Variants in PSD3 observed in about 807,000 individuals in gnomAD.
The protein encoded by PSD3 is pleckstrin and Sec7 domain containing 3.
PSD3 carries 49 observed loss-of-function variants against 105.5 expected under a neutral mutation model. The ratio of observed to expected loss-of-function variants is 0.46; its 90% confidence interval spans 0.37 to 0.59. The LOEUF (loss-of-function observed/expected upper bound fraction) is 0.59. Ranked by LOEUF, PSD3 falls within the 20% of genes least tolerant of loss-of-function variation. The pLI is 0.00. For synonymous variants in PSD3, 557 were observed against 457.8 expected, an observed-to-expected ratio of 1.22 and a Z score of -2.77; for missense variants, 1,561 against 1,263.8, an observed-to-expected ratio of 1.24 and a Z score of -3.57.
At chr8:18,892,157 G>T (rs1029214334) in intron 2 of PSD3, among the ~76,000 whole-genome samples, 1 of 132,718 alleles carries the variant, frequency 7.5e-6, no homozygotes, top group African/African-American at 3.1e-5. Flanking sequence ...CCTATTGTTT[G>T]CTGTCACTTA....
chr8:19,060,390 G>C (rs1167472487), intron 1 of PSD3, among the ~76,000 whole-genome samples: 1 of 152,114 alleles, frequency 6.6e-6, no homozygotes, highest in Non-Finnish European at 1.5e-5. Context: ...TGTAACCACA[G>C]AGGTCTATAG....
intron 11 of PSD3, among the ~76,000 whole-genome samples, chr8:18,625,187 TACACACAC>T (rs3042894): frequency 0.11 from 17,107 of 149,304 alleles, 1,055 homozygotes; most frequent in South Asian, 0.24. Context: ...AGGTGGGGAA[TACACACAC>T]ACACACACAC....
intron 2 of PSD3, among the ~76,000 whole-genome samples, chr8:18,916,326 A>G (rs914424375): frequency 3.1e-5 from 2 of 63,798 alleles, no homozygotes; most frequent in African/African-American, 1.5e-4. Flanking sequence ...ATATATATAT[A>G]TATATATATA....
At chr8:18,984,954 GA>G (rs1825428859) in intron 1 of PSD3, among the ~76,000 whole-genome samples, 1 of 152,104 alleles carries the variant, frequency 6.6e-6, no homozygotes, top group Non-Finnish European at 1.5e-5. Context: ...GCGGTGGGGG[GA>G]CAGAGTCTCA....
At position 18,874,248 on chromosome 8, in the gene PSD3, A is replaced by G. The variant is rs538008023; in HGVS notation, c.131-1515T>C. Among the ~76,000 whole-genome samples the G allele has an allele frequency of 4.6e-5, 7 of 151,186 alleles. No individual in the cohort carries two copies. The South Asian group carries it at 1.5e-3, about 32-fold the overall frequency. On this transcript the variant is annotated intron_variant, in intron 2 of 15. Transcript: ENST00000327040. ...ACGATCTCGGTTCACTGCAACCTCT[A>G]CCTCCCGGGTTCAAGTGATTCTTCT...
Position 18,936,020 on chromosome 8 carries a change from G to T in PSD3, c.130+14C>A, listed in dbSNP as rs377618137. On this transcript the variant is annotated intron_variant, in intron 2 of 15. Transcript: ENST00000327040. ...TATAGTTTACCTGGGAGAGGGATAT[G>T]AGGAAATACTTACTAGTATCTGGAG... 8.1e-5 allele frequency: 124 copies of T among 1,536,324 alleles called. No individual in the cohort carries two copies. The highest frequency in any genetic ancestry group is 1.1e-4 in the Non-Finnish European group (124 of 1,111,156).
intron 14 of PSD3, among the ~76,000 whole-genome samples, 198 bp from the exon 15 acceptor site, chr8:18,556,550 C>CTT (rs1563318821): frequency 6.6e-6 from 1 of 152,166 alleles, no homozygotes; most frequent in Non-Finnish European, 1.5e-5. Context: ...GGATGGCAAT[C>CTT]AAGGCCAACC....
chr8:18,583,586 A>G (rs1347888258), intron 12 of PSD3, among the ~76,000 whole-genome samples: 2 of 152,172 alleles, frequency 1.3e-5, no homozygotes, highest in African/African-American at 2.4e-5. Context: ...GCTGTATCAC[A>G]TCTAAGTATC....
chr8:18,985,856 T>C (rs576884888), intron 1 of PSD3, among the ~76,000 whole-genome samples: 1 of 152,188 alleles, frequency 6.6e-6, no homozygotes, highest in African/African-American at 2.4e-5. Context: ...TGGACATTCA[T>C]GGATACTTTT....
In PSD3 at chr8:19,058,332, T is replaced by C. The variant is rs572690783; in HGVS notation, c.324+25874A>G. Reference sequence around the variant, plus strand: ...AAAGGGATAGCATTAATGAGTTGTTTTGGGTGATATAACAGTTCTGTTTCC... The same window carrying C: ...AAAGGGATAGCATTAATGAGTTGTTCTGGGTGATATAACAGTTCTGTTTCC... On this transcript the variant is annotated intron_variant, in intron 1 of 1. Coordinates refer to the PSD3 transcript ENST00000521475. 4.0e-4 allele frequency among the ~76,000 whole-genome samples: 60 copies of C among 151,580 alleles called. No homozygotes were observed. The South Asian group carries it at 0.012, about 30-fold the overall frequency.
In PSD3 at chr8:19,003,534, C is replaced by A. The variant is rs144772534; in HGVS notation, c.21+10029G>T. Among the ~76,000 whole-genome samples the A allele has an allele frequency of 6.0e-3, 906 of 152,044 alleles. 11 individuals carry two copies. Among genetic ancestry groups the A allele is most frequent in the African/African-American group, 0.021 (884 of 41,504 alleles). On this transcript the variant is annotated intron_variant, in intron 1 of 15. Coordinates refer to ENST00000327040, the MANE Select transcript of PSD3 (RefSeq NM_015310.4). ...TAAAATGTTTATTTTTCTTTCCATG[C>A]CCTTTTCTCCCCATTGAGTTTCATG... is the stretch of plus-strand genomic sequence containing the variant.
intron 15 of PSD3, among the ~76,000 whole-genome samples, chr8:18,543,381 G>A (rs1434894501): frequency 2.0e-5 from 3 of 152,090 alleles, no homozygotes; most frequent in Non-Finnish European, 4.4e-5. Flanking sequence ...TTGGGAGGCC[G>A]AGGCAGGCGG....
Position 19,084,568 on chromosome 8 carries a change from G to A in PSD3, c.-39C>T, listed in dbSNP as rs376272276. ...CTAGGAAGCCTCCATGCCAGGGGCT[G>A]TAGCCAGCCCAGTGTCTTGGAGGCA... On this transcript the variant is annotated 5_prime_UTR_variant, in exon 1 of 2. Coordinates refer to the PSD3 transcript ENST00000521475. The A allele has an allele frequency of 8.6e-4, 324 of 375,034 alleles. 2 individuals are homozygous for A. The highest frequency in any genetic ancestry group is 6.2e-3 in the African/African-American group (297 of 47,890). 23.2% of individuals were successfully genotyped at this position (375,034 alleles called of 1,614,324 possible).
rs552415418 is a variant in PSD3 at position 18,770,209 on chromosome 8, T to A, written c.2083-4671A>T. On this transcript the variant is annotated intron_variant, in intron 8 of 15. Transcript: ENST00000327040. ...GTATGCTATGGTTTTGATTTGCATT[T>A]CCCTAATGACTAATGACCCTCAGCT... is the stretch of plus-strand genomic sequence containing the variant. Among the ~76,000 whole-genome samples, 16 of 152,356 alleles carry A rather than the reference T, an allele frequency of 1.1e-4. 1 individual carries two copies. Among genetic ancestry groups the A allele is most frequent in the African/African-American group, 3.4e-4 (14 of 41,584 alleles).
At chr8:19,022,538 G>C (rs894462454) in intron 1 of PSD3, among the ~76,000 whole-genome samples, 11 of 152,202 alleles carry the variant, frequency 7.2e-5, no homozygotes, top group Middle Eastern at 3.2e-3. Flanking sequence ...GGCTTCCCTA[G>C]TCCCTATCCC....
chr8:18,609,421 G>C (rs1805094273), intron 11 of PSD3, among the ~76,000 whole-genome samples: 2 of 152,262 alleles, frequency 1.3e-5, no homozygotes, highest in South Asian at 4.1e-4. Context: ...AATAAACCCA[G>C]CACTTTAATG....
At chr8:18,854,635 G>T (rs1815858357) in intron 4 of PSD3, among the ~76,000 whole-genome samples, 1 of 152,146 alleles carries the variant, frequency 6.6e-6, no homozygotes. Flanking sequence ...ATTTCCTACA[G>T]CACACACAGC....
At chr8:18,814,273 A>C (rs2632841) in intron 4 of PSD3, among the ~76,000 whole-genome samples, 72,011 of 152,098 alleles carry the variant, frequency 0.47, 19,731 homozygotes, top group East Asian at 0.79. Flanking sequence ...ATACCTTCCA[A>C]ATCTCAGTCC....
At chr8:18,625,585 C>T (rs945407624) in intron 11 of PSD3, among the ~76,000 whole-genome samples, 1 of 152,186 alleles carries the variant, frequency 6.6e-6, no homozygotes, top group African/African-American at 2.4e-5. Context: ...ACATGCTACA[C>T]AGTGACAGAC....
Sources: gnomAD v4.1 joint callset for allele counts (sites outside exome capture counted in the v4.1 genomes callset) on GRCh38, gnomAD v4.1.1 for gene constraint, MANE v1.5 for transcripts, NCBI Gene and HGNC (gene_info 2026-07-23, HGNC 2026-07-21) for gene names.